ZBTB46: variants seen among roughly 807,000 people sequenced by gnomAD.
The protein encoded by ZBTB46 is zinc finger and BTB domain-containing protein 46.
ZBTB46 carries 8 observed loss-of-function variants against 44.1 expected under a neutral mutation model. The observed-to-expected ratio is 0.18, with a 90% CI of 0.11 to 0.33. The LOEUF (loss-of-function observed/expected upper bound fraction) is 0.33, where lower values mean the gene tolerates loss of function less well. Ranked by LOEUF, ZBTB46 falls within the 10% of genes least tolerant of loss-of-function variation. The probability of loss-of-function intolerance (pLI) is 1.00; values close to 1 mark genes in which losing one functional copy is unlikely to be tolerated. For missense variants in ZBTB46, 651 were observed against 847.7 expected, an observed-to-expected ratio of 0.77 and a Z score of 2.88; for synonymous variants, 409 against 382.3, an observed-to-expected ratio of 1.07 and a Z score of -0.81.
At chr20:63,772,001 C>T (rs202152570) in intron 3 of ZBTB46, among the ~76,000 whole-genome samples, 14 of 138,850 alleles carry the variant, frequency 1.0e-4, no homozygotes, top group East Asian at 2.1e-4. Context: ...AGGGCAAATT[C>T]TTTTTTTTTT....
chr20:63,765,878 CAT>C (rs1235122273), intron 3 of ZBTB46, among the ~76,000 whole-genome samples: 2 of 152,216 alleles, frequency 1.3e-5, no homozygotes, highest in Non-Finnish European at 2.9e-5. Flanking sequence ...TTCTATGGCA[CAT>C]GTCTACAATT....
chr20:63,802,789 T>C (rs4809346), intron 1 of ZBTB46, among the ~76,000 whole-genome samples: 8,922 of 76,830 alleles, frequency 0.12, 1,238 homozygotes, highest in East Asian at 0.37. Flanking sequence ...GGAACCGCCG[T>C]GGCCGACGAC....
At chr20:63,804,616 G>A (rs569282274) in intron 1 of ZBTB46, among the ~76,000 whole-genome samples, 17 of 152,232 alleles carry the variant, frequency 1.1e-4, no homozygotes, top group African/African-American at 2.2e-4. Flanking sequence ...GTACCAGGCC[G>A]GGCACGGTGG....
At chr20:63,821,823 T>G (rs2092793969) in intron 1 of ZBTB46, among the ~76,000 whole-genome samples, 1 of 152,148 alleles carries the variant, frequency 6.6e-6, no homozygotes. Flanking sequence ...AAATGTTTCA[T>G]TCACTTTGGA....
chr20:63,768,211 T>C (rs1330642528), intron 3 of ZBTB46: 1 of 785,490 alleles, frequency 1.3e-6, no homozygotes, highest in African/African-American at 1.9e-5. Flanking sequence ...AAAACTATCC[T>C]GTGAGAAATG....
At chr20:63,747,653 T>C (rs6011076) in intron 4 of ZBTB46, among the ~76,000 whole-genome samples, 54,400 of 151,154 alleles carry the variant, frequency 0.36, 9,950 homozygotes, top group East Asian at 0.41. Context: ...CAGACAGGAG[T>C]GCTCAGACCT....
intron 1 of ZBTB46, among the ~76,000 whole-genome samples, chr20:63,795,323 C>G (rs898366189): frequency 6.6e-6 from 1 of 152,242 alleles, no homozygotes; most frequent in Admixed American, 6.5e-5. Context: ...GGCACAAACC[C>G]ACGCATGGCT....
At chr20:63,798,689 A>AAAAAAAAAC (rs2092621943) in intron 1 of ZBTB46, among the ~76,000 whole-genome samples, 1 of 141,194 alleles carries the variant, frequency 7.1e-6, no homozygotes, top group Non-Finnish European at 1.5e-5. Context: ...AAAAAAAAAA[A>AAAAAAAAAC]AAAATTAGCT....
At chr20:63,754,800 C>T (rs1329413172) in intron 3 of ZBTB46, among the ~76,000 whole-genome samples, 8 of 151,650 alleles carry the variant, frequency 5.3e-5, no homozygotes, top group East Asian at 2.0e-4. Flanking sequence ...GGGGTTTCAC[C>T]GTGTTAGCCA....
At chr20:63,770,255 G>A (rs537036103) in intron 3 of ZBTB46, among the ~76,000 whole-genome samples, 48 of 152,336 alleles carry the variant, frequency 3.2e-4, no homozygotes, top group African/African-American at 1.2e-3. Context: ...CAAGGCCCCA[G>A]GAGATCAGCG....
At chr20:63,821,159 A>G (rs1299085554) in intron 1 of ZBTB46, among the ~76,000 whole-genome samples, 1 of 149,872 alleles carries the variant, frequency 6.7e-6, no homozygotes, top group Non-Finnish European at 1.5e-5. Context: ...CCAAAGTATT[A>G]CAGGCGTGAG....
At chr20:63,810,699 T>G (rs1207710641) in intron 1 of ZBTB46, among the ~76,000 whole-genome samples, 2 of 152,114 alleles carry the variant, frequency 1.3e-5, no homozygotes, top group African/African-American at 4.8e-5. Flanking sequence ...TGAGCCAAAA[T>G]TGTGCCACTG....
rs184158472 is a variant in ZBTB46, at chr20:63,804,819, G to A, written c.-33-14029C>T. ...AGGCAGGAGAATCGCTATAACCTGG[G>A]AGGCGGAGGTTGCAGTGAGCTGAGT... On this transcript the variant is annotated intron_variant, in intron 1 of 4. Coordinates refer to ENST00000245663, the MANE Select transcript of ZBTB46 (RefSeq NM_001369741.1). Among the ~76,000 whole-genome samples the A allele has an allele frequency of 1.5e-4, 23 of 151,880 alleles. No individual in the cohort carries two copies. In the East Asian group the frequency reaches 4.5e-3, roughly 30 times the overall value.
rs558291818 is a variant in ZBTB46, at chr20:63,797,233, A to G, written c.-33-6443T>C. On this transcript the variant is annotated intron_variant, in intron 1 of 4. Coordinates refer to ENST00000245663, the MANE Select transcript of ZBTB46 (RefSeq NM_001369741.1). ...TGTTCTCATTGTTCAATTCCCACCT[A>G]TGAGTCAGAACATGCAGTGTTTGGT... 3.2e-3 allele frequency among the ~76,000 whole-genome samples: 439 copies of G among 139,116 alleles called. 4 individuals carry two copies. Among genetic ancestry groups the G allele is most frequent in the African/African-American group, 0.011 (425 of 37,164 alleles). The allele number at this position is 139,116 out of a possible 152,430, so 91.3% of individuals were successfully genotyped here.
At chr20:63,816,221 A>G (rs2092757221) in intron 1 of ZBTB46, 1 of 236,298 alleles carries the variant, frequency 4.2e-6, no homozygotes, top group Non-Finnish European at 8.7e-6. Context: ...GGGGGTGCCC[A>G]GAGGAGGGCC....
upstream of ZBTB46, among the ~76,000 whole-genome samples, chr20:63,833,552 C>T (rs1193624142): frequency 1.3e-5 from 2 of 152,148 alleles, no homozygotes; most frequent in Non-Finnish European, 2.9e-5. Context: ...GTTCGTGCCG[C>T]TGCACTCCAG....
chr20:63,820,257 C>A (rs914573372), intron 1 of ZBTB46, among the ~76,000 whole-genome samples: 1 of 151,930 alleles, frequency 6.6e-6, no homozygotes, highest in Non-Finnish European at 1.5e-5. Context: ...CCACACCCAG[C>A]TAATTTTGTT....
intron 1 of ZBTB46, among the ~76,000 whole-genome samples, chr20:63,800,705 G>A (rs1045257182): frequency 2.6e-5 from 4 of 152,246 alleles, no homozygotes; most frequent in African/African-American, 9.6e-5. Context: ...AGCTGCGGAG[G>A]GTGTCCGCCA....
intron 1 of ZBTB46, among the ~76,000 whole-genome samples, chr20:63,820,704 T>C (rs2092787072): frequency 6.6e-6 from 1 of 152,058 alleles, no homozygotes. Context: ...AGTTCTGGGA[T>C]TACAGGCGTG....
Sources: allele counts gnomAD v4.1 joint callset (sites outside exome capture counted in the v4.1 genomes callset), GRCh38; gene constraint gnomAD v4.1.1; transcripts MANE v1.5; gene names NCBI Gene and HGNC (gene_info 2026-07-23, HGNC 2026-07-21).